The following SUFU variants were observed in gnomAD, a reference collection of about 807,000 sequenced individuals.
The protein encoded by SUFU is suppressor of fused homolog.
A neutral mutation model predicts 58.9 loss-of-function variants in SUFU; 7 were observed. That is an observed-to-expected ratio of 0.12 (90% CI 0.07 to 0.22). The LOEUF is 0.22. Among genes scored for constraint, SUFU ranks in the 10% least tolerant of loss-of-function variants. The pLI, the probability that SUFU is intolerant of heterozygous loss-of-function variation, is 1.00. For missense variants in SUFU, 451 were observed against 641.3 expected (o/e 0.70, Z 3.20); for synonymous variants, 232 against 254.8 (o/e 0.91, Z 0.85).
rs532101244 is a variant in SUFU at position 102,630,779 on chromosome 10, C to T, written c.*624C>T. ...GAACTTTCGCATTCTCTGACAGAGG[C>T]CTAGGGCTGTATCTCTCCCTGGGCT... is the stretch of plus-strand genomic sequence containing the variant. On this transcript the variant is annotated 3_prime_UTR_variant, in exon 12 of 12. Transcript: ENST00000369902. 4.1e-6 allele frequency: 1 copy of T among 246,148 alleles called. No individual in the cohort carries two copies. The highest frequency in any genetic ancestry group is 2.2e-5 in the African/African-American group (1 of 45,696). The allele number at this position is 246,148 out of a possible 1,614,324, so 15.2% of individuals were successfully genotyped here.
chr10:102,596,989 A>G, intron 6 of SUFU, 151 bp from the exon 7 acceptor site: 6 of 903,064 alleles, frequency 6.6e-6, no homozygotes, highest in Non-Finnish European at 7.0e-6. Flanking sequence ...CCAGGGCAGA[A>G]CAAGGTCAGA....
chr10:102,560,801 CT>C (rs1435717121), intron 3 of SUFU, among the ~76,000 whole-genome samples: 1 of 152,068 alleles, frequency 6.6e-6, no homozygotes, highest in Non-Finnish European at 1.5e-5. Flanking sequence ...AGTGAGCGTC[CT>C]CGTATATGTA....
intron 2 of SUFU, among the ~76,000 whole-genome samples, chr10:102,512,121 G>T (rs2062407299): frequency 6.6e-6 from 1 of 152,082 alleles, no homozygotes; most frequent in African/African-American, 2.4e-5. Flanking sequence ...TCATCTCTTC[G>T]CTGGTCACGT....
intron 2 of SUFU, among the ~76,000 whole-genome samples, chr10:102,544,994 T>C (rs1393063251): frequency 6.6e-6 from 1 of 152,224 alleles, no homozygotes; most frequent in Non-Finnish European, 1.5e-5. Context: ...AGGTATACCA[T>C]ATTTTGTTTA....
intron 9 of SUFU, among the ~76,000 whole-genome samples, chr10:102,616,024 G>A (rs1370385563): frequency 2.1e-5 from 3 of 141,654 alleles, no homozygotes; most frequent in Non-Finnish European, 4.7e-5. Flanking sequence ...AGGGTCCCCA[G>A]TAGCACTGGT....
chr10:102,505,182 T>C (rs1395329533), intron 1 of SUFU, among the ~76,000 whole-genome samples: 1 of 152,142 alleles, frequency 6.6e-6, no homozygotes, highest in Admixed American at 6.5e-5. Flanking sequence ...TAAGAGGAGC[T>C]TCTCGGCCAT....
intron 8 of SUFU, among the ~76,000 whole-genome samples, chr10:102,610,289 A>C (rs2063608545): frequency 6.6e-6 from 1 of 150,628 alleles, no homozygotes; most frequent in African/African-American, 2.4e-5. Context: ...GCTGCTCGGT[A>C]GGCTGAGGCA....
intron 4 of SUFU, among the ~76,000 whole-genome samples, chr10:102,593,369 T>C (rs2063424021): frequency 6.6e-6 from 1 of 152,162 alleles, no homozygotes; most frequent in Admixed American, 6.5e-5. Context: ...GTTTTCTCCT[T>C]TGTAGCTAAG....
intron 3 of SUFU, among the ~76,000 whole-genome samples, chr10:102,584,664 G>A (rs1040735771): frequency 6.6e-6 from 1 of 152,042 alleles, no homozygotes; most frequent in Non-Finnish European, 1.5e-5. Flanking sequence ...GGTAAGCAAC[G>A]CTAATTTGCC....
At chr10:102,558,062 G>C (rs1288209272) in intron 3 of SUFU, among the ~76,000 whole-genome samples, 1 of 152,016 alleles carries the variant, frequency 6.6e-6, no homozygotes, top group African/African-American at 2.4e-5. Flanking sequence ...AACATGCCTG[G>C]CTAACTTTTG....
chr10:102,558,592 G>T (rs1483288769), intron 3 of SUFU, among the ~76,000 whole-genome samples: 1 of 152,186 alleles, frequency 6.6e-6, no homozygotes, highest in Non-Finnish European at 1.5e-5. Flanking sequence ...GACCACCTTG[G>T]TTGGTGGCAG....
At chr10:102,568,894 AAAAATAT>A (rs2063124340) in intron 3 of SUFU, among the ~76,000 whole-genome samples, 1 of 24,580 alleles carries the variant, frequency 4.1e-5, no homozygotes, top group Non-Finnish European at 7.3e-5. Context: ...AAAAAAAAAA[AAAAATAT>A]ATATATATAT....
At chr10:102,549,608 G>C (rs1052687248) in intron 2 of SUFU, among the ~76,000 whole-genome samples, 1 of 152,196 alleles carries the variant, frequency 6.6e-6, no homozygotes, top group Admixed American at 6.5e-5. Context: ...CCTATTAATA[G>C]CTTGAAGGAA....
At position 102,589,442 on chromosome 10, in the gene SUFU, C is replaced by CTTTTTTTTTTTTTT. The variant is rs747625757; in HGVS notation, c.455-3132_455-3119dup. ...CAATCTGGAAGTATTTTCTTTCTTT[C>CTTTTTTTTTTTTTT]TTTTTTTTTTTTTTTTTTTTTGAGA... On this transcript the variant is annotated intron_variant, in intron 3 of 11. Transcript: ENST00000369902. Among the ~76,000 whole-genome samples the CTTTTTTTTTTTTTT allele has an allele frequency of 4.8e-3, 313 of 65,362 alleles. 49 individuals are homozygous for CTTTTTTTTTTTTTT. The highest frequency in any genetic ancestry group is 0.062 in the Middle Eastern group (2 of 32). The allele number at this position is 65,362 out of a possible 152,430, so 42.9% of individuals were successfully genotyped here. A position where few individuals can be genotyped will look rare whatever the true frequency, so the allele number is the denominator to read the frequency against.
chr10:102,522,250 T>A (rs893093329), intron 2 of SUFU, among the ~76,000 whole-genome samples: 2 of 151,918 alleles, frequency 1.3e-5, no homozygotes, highest in Non-Finnish European at 2.9e-5. Context: ...CAGTGAAGAG[T>A]GGTTTAGGTA....
intron 2 of SUFU, among the ~76,000 whole-genome samples, chr10:102,529,987 G>T (rs948298861): frequency 5.3e-5 from 8 of 151,428 alleles, no homozygotes; most frequent in Admixed American, 5.3e-4. Context: ...CACACTAACT[G>T]CCGTGGAAGG....
intron 2 of SUFU, among the ~76,000 whole-genome samples, chr10:102,531,604 G>A (rs140144607): frequency 1.2e-4 from 19 of 152,300 alleles, no homozygotes; most frequent in African/African-American, 4.3e-4. Flanking sequence ...CTGTGATGGA[G>A]GTTTGCACAG....
intron 2 of SUFU, among the ~76,000 whole-genome samples, chr10:102,537,825 A>G (rs1234785316): frequency 2.0e-5 from 3 of 152,208 alleles, no homozygotes; most frequent in South Asian, 4.1e-4. Flanking sequence ...GGTTGCTTCT[A>G]CCTTTTGACT....
rs2062294197 is a variant in SUFU, at chr10:102,504,330, T to C, written c.178T>C (p.Tyr60His). 1 of 1,613,844 alleles carries C rather than the reference T, an allele frequency of 6.2e-7. No homozygotes were observed. Among genetic ancestry groups the C allele is most frequent in the African/African-American group, 1.3e-5 (1 of 74,868 alleles). Residue 60 changes from tyrosine (Y) to histidine (H), a missense_variant, in exon 1 of 12, where the codon TAC becomes CAC. Transcript: ENST00000369902. ...GCTCCAGGTTACCGCTATCGTCAAG[T>C]ACTGGTATGCTCTGGGCCGCGGGGA... The part of the protein sequence containing the change: ...NPLQVTAIVK[Y>H]WLGGPDPLDY...
Sources: allele counts gnomAD v4.1 joint callset (sites outside exome capture counted in the v4.1 genomes callset), GRCh38; gene constraint gnomAD v4.1.1; transcripts MANE v1.5; gene names NCBI Gene and HGNC (gene_info 2026-07-23, HGNC 2026-07-21).